CADM2: variants seen among roughly 807,000 people sequenced by gnomAD.
CADM2 encodes immunoglobulin superfamily member 4D.
Under a neutral mutation model 49.8 loss-of-function variants are expected in CADM2, and 12 were observed. The ratio of observed to expected loss-of-function variants is 0.24; its 90% CI spans 0.15 to 0.39. The LOEUF (loss-of-function observed/expected upper bound fraction) is 0.39. CADM2 is among the 10% of genes least tolerant of loss of function. The pLI, the probability that CADM2 is intolerant of heterozygous loss-of-function variation, is 1.00. For synonymous variants in CADM2, 214 were observed against 175.4 expected (o/e 1.22, Z -1.74); for missense variants, 378 against 492.3 (o/e 0.77, Z 2.20).
intron 1 of CADM2, among the ~76,000 whole-genome samples, chr3:85,594,978 A>G (rs1250116591): frequency 6.6e-6 from 1 of 152,072 alleles, no homozygotes; most frequent in Non-Finnish European, 1.5e-5. Flanking sequence ...ACAGCAGCCC[A>G]GCTTTCATTT....
chr3:85,439,562 A>G (rs2037098691), intron 1 of CADM2, among the ~76,000 whole-genome samples: 1 of 152,168 alleles, frequency 6.6e-6, no homozygotes, highest in South Asian at 2.1e-4. Context: ...TCTATGTAAT[A>G]GTGAAACTAA....
intron 1 of CADM2, among the ~76,000 whole-genome samples, chr3:85,326,440 C>G (rs2044753368): frequency 6.6e-6 from 1 of 151,942 alleles, no homozygotes; most frequent in East Asian, 1.9e-4. Context: ...ATTAATATTT[C>G]TCTTAGGAAA....
chr3:86,059,688 G>A (rs567992939), intron 8 of CADM2, among the ~76,000 whole-genome samples: 30 of 152,170 alleles, frequency 2.0e-4, no homozygotes, highest in African/African-American at 6.7e-4. Flanking sequence ...GCTTTACTTC[G>A]TCTTTTTATT....
intron 1 of CADM2, among the ~76,000 whole-genome samples, chr3:85,473,655 A>G (rs1179122429): frequency 1.3e-5 from 2 of 152,204 alleles, no homozygotes; most frequent in East Asian, 3.9e-4. Context: ...GAGCCTGTCT[A>G]ACAAATAACA....
chr3:85,700,182 G>T (rs1195996593), intron 1 of CADM2, among the ~76,000 whole-genome samples: 1 of 152,136 alleles, frequency 6.6e-6, no homozygotes, highest in Non-Finnish European at 1.5e-5. Flanking sequence ...CATTTCCTTT[G>T]CAGGGACATG....
intron 3 of CADM2, among the ~76,000 whole-genome samples, chr3:85,849,563 T>C (rs1201837448): frequency 6.6e-6 from 1 of 152,226 alleles, no homozygotes; most frequent in Non-Finnish European, 1.5e-5. Flanking sequence ...ACAATTACAT[T>C]TTTATTTTAT....
At chr3:85,668,295 C>CAAAAAAAAAAAAAA (rs11447925) in intron 1 of CADM2, among the ~76,000 whole-genome samples, 3 of 81,736 alleles carry the variant, frequency 3.7e-5, no homozygotes, top group East Asian at 3.1e-4. Context: ...AGTACCAAAG[C>CAAAAAAAAAAAAAA]AAAAAAAAAA....
At chr3:86,058,319 A>G (rs1484900716) in intron 8 of CADM2, among the ~76,000 whole-genome samples, 1 of 152,150 alleles carries the variant, frequency 6.6e-6, no homozygotes, top group Non-Finnish European at 1.5e-5. Flanking sequence ...GGCAGCTTAT[A>G]CGTTCCAACT....
At chr3:85,569,009 G>T (rs1467053178) in intron 1 of CADM2, among the ~76,000 whole-genome samples, 2 of 152,022 alleles carry the variant, frequency 1.3e-5, no homozygotes, top group Non-Finnish European at 2.9e-5. Context: ...GCCACCCCAT[G>T]GTAACATCTT....
At chr3:85,361,132 C>T (rs968302717) in intron 1 of CADM2, among the ~76,000 whole-genome samples, 4 of 152,130 alleles carry the variant, frequency 2.6e-5, no homozygotes, top group African/African-American at 9.7e-5. Flanking sequence ...CAAAGATAAA[C>T]TTAGACACAT....
At chr3:85,531,770 AAGT>A (rs2061316699) in intron 1 of CADM2, among the ~76,000 whole-genome samples, 1 of 152,224 alleles carries the variant, frequency 6.6e-6, no homozygotes, top group Non-Finnish European at 1.5e-5. Flanking sequence ...AAAAATAAAA[AAGT>A]ATATGAAATC....
chr3:85,281,273 A>G (rs1241408451), intron 1 of CADM2, among the ~76,000 whole-genome samples: 1 of 151,938 alleles, frequency 6.6e-6, no homozygotes, highest in Non-Finnish European at 1.5e-5. Flanking sequence ...GAATTATTAG[A>G]TCAGGGTTAA....
rs199753230 is a variant in CADM2 at position 85,431,422 on chromosome 3, G to T, written c.62-295100G>T. Among the ~76,000 whole-genome samples the T allele has an allele frequency of 4.2e-3, 643 of 152,158 alleles. 1 individual carries two copies. The highest frequency in any genetic ancestry group is 8.0e-3 in the Non-Finnish European group (541 of 68,008). On this transcript the variant is annotated intron_variant, in intron 1 of 9. Coordinates refer to ENST00000383699, the MANE Select transcript of CADM2 (RefSeq NM_001167675.2). ...ATAAGTTACAGAAACTAAATCTCCT[G>T]CTCTGCAAAATTAGGATAATAACAC... is the stretch of plus-strand genomic sequence containing the variant.
intron 1 of CADM2, among the ~76,000 whole-genome samples, chr3:85,177,306 T>C (rs563443737): frequency 5.3e-5 from 8 of 152,234 alleles, no homozygotes; most frequent in Non-Finnish European, 1.2e-4. Flanking sequence ...ATTCAAGATA[T>C]TTTGTGTTAG....
rs74967971 is a variant in CADM2, at chr3:85,616,987, C to A, written c.62-109535C>A. Among the ~76,000 whole-genome samples the A allele has an allele frequency of 2.2e-3, 328 of 152,250 alleles. 6 individuals carry two copies. The East Asian group carries it at 0.061, about 28-fold the overall frequency. On this transcript the variant is annotated intron_variant, in intron 1 of 9. Transcript: ENST00000383699. ...AAAGCGTGTGTGGTGAAAACACACTCAATGTGTTTTTCCTCTGCTCTCATG... is the reference window on the plus strand; with the variant it reads ...AAAGCGTGTGTGGTGAAAACACACTAAATGTGTTTTTCCTCTGCTCTCATG...
intron 2 of CADM2, among the ~76,000 whole-genome samples, chr3:85,757,132 G>A (rs2069159324): frequency 6.6e-6 from 1 of 152,050 alleles, no homozygotes; most frequent in Non-Finnish European, 1.5e-5. Flanking sequence ...GTAAAGGAAT[G>A]TTTTAACTAA....
intron 3 of CADM2, among the ~76,000 whole-genome samples, chr3:85,865,240 T>C (rs971539132): frequency 1.3e-5 from 2 of 152,218 alleles, no homozygotes; most frequent in African/African-American, 2.4e-5. Flanking sequence ...TGTCTCTGTC[T>C]GGGAGCACTG....
intron 3 of CADM2, among the ~76,000 whole-genome samples, chr3:85,850,112 G>A (rs2075037457): frequency 6.6e-6 from 1 of 151,904 alleles, no homozygotes; most frequent in African/African-American, 2.4e-5. Context: ...TATTTATATG[G>A]CAGCAAACTA....
At position 85,227,864 on chromosome 3, in the gene CADM2, G is replaced by A. The variant is rs560493446; in HGVS notation, c.61+268196G>A. ...AAAATCACTCAGGATTTGCTTGTCTGTAAAGGATTTTATTTCTCCTTCACT... is the reference window on the plus strand; with the variant it reads ...AAAATCACTCAGGATTTGCTTGTCTATAAAGGATTTTATTTCTCCTTCACT... On this transcript the variant is annotated intron_variant, in intron 1 of 9. Coordinates refer to ENST00000383699, the MANE Select transcript of CADM2 (RefSeq NM_001167675.2). 2.0e-5 allele frequency among the ~76,000 whole-genome samples: 3 copies of A among 152,278 alleles called. No homozygotes were observed. The East Asian group carries it at 5.8e-4, about 29-fold the overall frequency.
Sources: allele counts gnomAD v4.1 joint callset (sites outside exome capture counted in the v4.1 genomes callset), GRCh38; gene constraint gnomAD v4.1.1; transcripts MANE v1.5; gene names NCBI Gene and HGNC (gene_info 2026-07-23, HGNC 2026-07-21).